Variants in MORC4 observed in about 807,000 individuals in gnomAD.
MORC4 encodes MORC family CW-type zinc finger 4, also known as MORC family CW-type zinc finger protein 4.
In MORC4, 22 loss-of-function variants were observed where a neutral mutation model predicts 65.5. The observed-to-expected ratio is 0.34, with a 90% CI of 0.24 to 0.48. MORC4 has a LOEUF of 0.48. MORC4 is among the 20% of genes least tolerant of loss of function. The probability of loss-of-function intolerance (pLI) is 0.99; values close to 1 mark genes in which losing one functional copy is unlikely to be tolerated. For missense variants in MORC4, 624 were observed against 703.0 expected (o/e 0.89, Z 1.27); for synonymous variants, 267 against 255.8 (o/e 1.04, Z -0.42).
At chrX:106,959,045 T>C (rs1934172899) in intron 10 of MORC4, among the ~76,000 whole-genome samples, 1 of 112,023 alleles carries the variant, frequency 8.9e-6, no homozygotes, top group African/African-American at 3.2e-5. Flanking sequence ...CCTTTGCTTA[T>C]AATACTTCAA....
intron 5 of MORC4, among the ~76,000 whole-genome samples, 167 bp downstream of exon 5, chrX:106,984,929 G>A (rs1362533071): frequency 9.0e-6 from 1 of 111,202 alleles, no homozygotes; most frequent in Non-Finnish European, 1.9e-5. Flanking sequence ...AATAATTTGG[G>A]AGGCTAAGGA....
chrX:106,943,247 A>G, intron 14 of MORC4, 42 bp from the exon 15 acceptor site: 1 of 1,055,422 alleles, frequency 9.5e-7, no homozygotes. Flanking sequence ...TCAGAGTACA[A>G]GTTAAGTATT....
At chrX:106,970,071 A>T (rs1234990062) in intron 9 of MORC4, among the ~76,000 whole-genome samples, 1 of 111,871 alleles carries the variant, frequency 8.9e-6, no homozygotes, top group Non-Finnish European at 1.9e-5. Context: ...CGATGTGAAA[A>T]TCCTCAATAA....
At chrX:106,979,615 T>A (rs1324440525) in intron 7 of MORC4, among the ~76,000 whole-genome samples, 1 of 111,263 alleles carries the variant, frequency 9.0e-6, no homozygotes, top group Non-Finnish European at 1.9e-5. Flanking sequence ...TTTACTCATG[T>A]CTACAGTAAA....
chrX:106,950,822 AC>A (rs1407885085), intron 14 of MORC4, among the ~76,000 whole-genome samples: 1 of 111,853 alleles, frequency 8.9e-6, no homozygotes, highest in African/African-American at 3.3e-5. Flanking sequence ...CATCTTCTAG[AC>A]CACACCCACA....
chrX:106,943,849 G>A (rs940249784), intron 14 of MORC4, among the ~76,000 whole-genome samples: 5 of 112,553 alleles, frequency 4.4e-5, no homozygotes, highest in African/African-American at 1.3e-4. Flanking sequence ...AAGAATTCCC[G>A]TGCTCAAGCA....
intron 14 of MORC4, among the ~76,000 whole-genome samples, chrX:106,946,075 C>T (rs904440831): frequency 2.7e-5 from 3 of 111,980 alleles, no homozygotes; most frequent in Admixed American, 9.5e-5. Context: ...TGTATATATA[C>T]TCCTTCCAGA....
chrX:106,946,113 G>C (rs1933820249), intron 14 of MORC4, among the ~76,000 whole-genome samples: 2 of 111,573 alleles, frequency 1.8e-5, no homozygotes, highest in Non-Finnish European at 3.8e-5. Context: ...TCTTTACTGG[G>C]ATAGAAATCT....
In MORC4 at chrX:106,984,470, T is replaced by C. The variant is rs377533555; in HGVS notation, c.674+626A>G. Among the ~76,000 whole-genome samples the C allele has an allele frequency of 4.7e-3, 270 of 56,971 alleles. 3 individuals carry two copies. Among genetic ancestry groups the C allele is most frequent in the African/African-American group, 0.013 (262 of 19,789 alleles). 49.5% of individuals were successfully genotyped at this position (56,971 alleles called of 115,157 possible). ...CAACTCTGTTTTTCTTTTTTCTTTTTTTTTTTTTTTTTTTTTTGAGACAGA... is the reference window on the plus strand; with the variant it reads ...CAACTCTGTTTTTCTTTTTTCTTTTCTTTTTTTTTTTTTTTTTGAGACAGA... On this transcript the variant is annotated intron_variant, in intron 5 of 16. Transcript: ENST00000355610.
chrX:106,988,611 C>G (rs1004303297), intron 3 of MORC4, among the ~76,000 whole-genome samples: 3 of 112,126 alleles, frequency 2.7e-5, no homozygotes, highest in Non-Finnish European at 5.6e-5. Flanking sequence ...AATCAAATAA[C>G]TACCTAACAC....
intron 3 of MORC4, among the ~76,000 whole-genome samples, chrX:106,992,948 G>C (rs1256525435): frequency 8.9e-6 from 1 of 112,201 alleles, no homozygotes; most frequent in Admixed American, 9.4e-5. Context: ...TCTGGGATCA[G>C]ATTGGGCTCC....
intron 9 of MORC4, among the ~76,000 whole-genome samples, chrX:106,973,671 C>A (rs1047587384): frequency 9.0e-6 from 1 of 111,728 alleles, no homozygotes; most frequent in Admixed American, 9.5e-5. Context: ...TAGAAGAGTG[C>A]AGCAGAAGAG....
At chrX:106,952,065 G>A (rs1472921639) in intron 14 of MORC4, among the ~76,000 whole-genome samples, 4 of 107,010 alleles carry the variant, frequency 3.7e-5, no homozygotes, top group Non-Finnish European at 5.8e-5. Context: ...AAATATTGGG[G>A]ATACTTACAT....
chrX:106,982,494 A>C (rs1441938828), intron 5 of MORC4, among the ~76,000 whole-genome samples: 2 of 111,766 alleles, frequency 1.8e-5, no homozygotes, highest in Admixed American at 9.5e-5. Flanking sequence ...TGGATTTTCC[A>C]GGATAATTCT....
intron 14 of MORC4, among the ~76,000 whole-genome samples, chrX:106,953,875 G>A (rs1363233474): frequency 2.7e-5 from 3 of 112,237 alleles, no homozygotes; most frequent in African/African-American, 9.7e-5. Flanking sequence ...TGTAATCCTG[G>A]CACTTTGGGA....
intron 5 of MORC4, among the ~76,000 whole-genome samples, chrX:106,984,465 CTTTTT>C (rs762110163): frequency 7.0e-5 from 5 of 71,388 alleles, no homozygotes; most frequent in African/African-American, 2.5e-4. Flanking sequence ...TTTCTTTTTT[CTTTTT>C]TTTTTTTTTT....
At chrX:106,968,564 G>A (rs1602491515) in intron 9 of MORC4, among the ~76,000 whole-genome samples, 2 of 102,717 alleles carry the variant, frequency 1.9e-5, no homozygotes, top group South Asian at 9.5e-4. Context: ...CTGTATTCAG[G>A]AGACCCATCT....
intron 14 of MORC4, among the ~76,000 whole-genome samples, chrX:106,952,431 G>T (rs1403541312): frequency 8.9e-6 from 1 of 112,456 alleles, no homozygotes; most frequent in Non-Finnish European, 1.9e-5. Context: ...ATACAGTATT[G>T]TAAGTTTATG....
chrX:106,973,073 GA>G (rs1175664003), intron 9 of MORC4, among the ~76,000 whole-genome samples: 1 of 112,497 alleles, frequency 8.9e-6, no homozygotes, highest in Non-Finnish European at 1.9e-5. Context: ...TACCCTTCAG[GA>G]AAAAGGAAAG....
Sources: allele counts gnomAD v4.1 joint callset (sites outside exome capture counted in the v4.1 genomes callset), GRCh38; gene constraint gnomAD v4.1.1; transcripts MANE v1.5; gene names NCBI Gene and HGNC (gene_info 2026-07-23, HGNC 2026-07-21).